XRCC4: variants seen among roughly 807,000 people sequenced by gnomAD.
XRCC4 encodes the protein DNA repair protein XRCC4.
A neutral mutation model predicts 39.1 loss-of-function variants in XRCC4; 28 were observed. The observed-to-expected ratio is 0.72, with a 90% CI of 0.53 to 0.98. The LOEUF is 0.98. Among genes scored for constraint, XRCC4 ranks in the 50% least tolerant of loss-of-function variants. The pLI is 0.00. For missense variants in XRCC4, 350 were observed against 376.4 expected, an observed-to-expected ratio of 0.93 and a Z score of 0.58; for synonymous variants, 123 against 126.4, an observed-to-expected ratio of 0.97 and a Z score of 0.18.
chr5:83,182,861 G>A (rs1361988133), intron 3 of XRCC4, among the ~76,000 whole-genome samples: 1 of 152,106 alleles, frequency 6.6e-6, no homozygotes, highest in East Asian at 1.9e-4. Flanking sequence ...GATGCCAAAT[G>A]TGCTAGCACC....
At chr5:83,207,739 G>A (rs1276972307) in intron 6 of XRCC4, among the ~76,000 whole-genome samples, 1 of 151,984 alleles carries the variant, frequency 6.6e-6, no homozygotes, top group African/African-American at 2.4e-5. Context: ...TTCTTCTACA[G>A]AGACAAAATA....
At chr5:83,368,257 A>G in the XRCC4 span, among the ~76,000 whole-genome samples, 1 of 152,166 alleles carries the variant, frequency 6.6e-6, no homozygotes. Flanking sequence ...TCCCTGAACT[A>G]CAGTTTCGTC....
chr5:83,109,549 A>G (rs548329233), intron 2 of XRCC4, among the ~76,000 whole-genome samples: 51 of 152,096 alleles, frequency 3.4e-4, no homozygotes, highest in African/African-American at 1.1e-3. Context: ...AAACCATCCA[A>G]CCACACACAC....
rs1217135996 is a variant in XRCC4 at position 83,094,367 on chromosome 5, C to A, written c.-10-10543C>A. Among the ~76,000 whole-genome samples, 939 of 125,382 alleles carry A rather than the reference C, an allele frequency of 7.5e-3. 11 individuals carry two copies. Among genetic ancestry groups the A allele is most frequent in the African/African-American group, 0.028 (879 of 31,818 alleles). The allele number at this position is 125,382 out of a possible 152,430, so 82.3% of individuals were successfully genotyped here. On this transcript the variant is annotated intron_variant, in intron 1 of 7. Coordinates refer to ENST00000396027, the MANE Select transcript of XRCC4 (RefSeq NM_003401.5). ...GCTCCCCTCTCTTCCCCTCCTTTCCCCTCCCCTCTCTTCCCCTCCTCTCCC... is the reference window on the plus strand; with the variant it reads ...GCTCCCCTCTCTTCCCCTCCTTTCCACTCCCCTCTCTTCCCCTCCTCTCCC...
At chr5:83,348,154 A>G (rs935764570) in intron 7 of XRCC4, among the ~76,000 whole-genome samples, 3 of 152,170 alleles carry the variant, frequency 2.0e-5, no homozygotes, top group African/African-American at 7.2e-5. Context: ...TTCCAGATGC[A>G]TGGCGCAAGC....
At chr5:83,170,505 T>C (rs1359333990) in intron 3 of XRCC4, among the ~76,000 whole-genome samples, 2 of 152,202 alleles carry the variant, frequency 1.3e-5, no homozygotes, top group African/African-American at 4.8e-5. Context: ...TGCATTTTCA[T>C]GTGGGGCTCC....
At position 83,309,297 on chromosome 5, in the gene XRCC4, ATAT is replaced by A. The variant is rs1332885341; in HGVS notation, c.894-43833_894-43831del. 1.8e-3 allele frequency among the ~76,000 whole-genome samples: 96 copies of A among 53,576 alleles called. 1 individual carries two copies. The highest frequency in any genetic ancestry group is 0.023 in the Middle Eastern group (1 of 44). 35.1% of individuals were successfully genotyped at this position (53,576 alleles called of 152,430 possible). On this transcript the variant is annotated intron_variant, in intron 7 of 7. Transcript: ENST00000396027. Reference sequence around the variant, plus strand: ...AAAAAAAAAAAAAAAAAAAAAAAAAATATATATATATATATATATATATAGGCT... The same window carrying A: ...AAAAAAAAAAAAAAAAAAAAAAAAAAATATATATATATATATATATAGGCT...
chr5:83,239,413 A>T (rs1435022037), intron 6 of XRCC4, among the ~76,000 whole-genome samples: 1 of 152,232 alleles, frequency 6.6e-6, no homozygotes, highest in Non-Finnish European at 1.5e-5. Context: ...TCCGTCTGTG[A>T]TTTACAGAGA....
intron 3 of XRCC4, among the ~76,000 whole-genome samples, chr5:83,160,257 A>G (rs557227165): frequency 6.6e-6 from 1 of 152,334 alleles, no homozygotes; most frequent in African/African-American, 2.4e-5. Context: ...ATATTAAATT[A>G]TTTGAGGGAA....
At chr5:83,211,639 G>T (rs956628417) in intron 6 of XRCC4, among the ~76,000 whole-genome samples, 1 of 152,118 alleles carries the variant, frequency 6.6e-6, no homozygotes. Flanking sequence ...CCCAACAAAA[G>T]AAAAGAAACC....
the XRCC4 span, among the ~76,000 whole-genome samples, chr5:83,372,535 G>A: frequency 6.6e-6 from 1 of 152,090 alleles, no homozygotes; most frequent in East Asian, 1.9e-4. Context: ...TATTGTGAGG[G>A]GTCTGTAAAT....
At chr5:83,209,893 A>G (rs999620119) in intron 6 of XRCC4, among the ~76,000 whole-genome samples, 1 of 152,138 alleles carries the variant, frequency 6.6e-6, no homozygotes, top group African/African-American at 2.4e-5. Flanking sequence ...ACTTTTCTAC[A>G]TAATTACTAG....
chr5:83,168,584 T>C (rs1191727358), intron 3 of XRCC4, among the ~76,000 whole-genome samples: 1 of 152,116 alleles, frequency 6.6e-6, no homozygotes, highest in Non-Finnish European at 1.5e-5. Context: ...ATTTTTTTCA[T>C]GCATACTAAA....
the XRCC4 span, among the ~76,000 whole-genome samples, chr5:83,367,351 A>T: frequency 6.6e-6 from 1 of 152,212 alleles, no homozygotes; most frequent in Non-Finnish European, 1.5e-5. Flanking sequence ...TGAGGCTGAA[A>T]ATAAAATCAC....
chr5:83,295,002 G>GT (rs1402095858), intron 7 of XRCC4, among the ~76,000 whole-genome samples: 1 of 151,966 alleles, frequency 6.6e-6, no homozygotes, highest in Non-Finnish European at 1.5e-5. Flanking sequence ...ATATCTCAAA[G>GT]TTTTTTATGT....
the XRCC4 span, among the ~76,000 whole-genome samples, chr5:83,362,294 CAAAAAA>C: frequency 2.0e-4 from 15 of 73,186 alleles, no homozygotes; most frequent in African/African-American, 2.7e-4. Context: ...GCTATTTAGG[CAAAAAA>C]AAAAAAAAAA....
intron 7 of XRCC4, among the ~76,000 whole-genome samples, chr5:83,291,874 A>C (rs551567448): frequency 6.6e-6 from 1 of 151,624 alleles, no homozygotes; most frequent in South Asian, 2.1e-4. Flanking sequence ...GTTCAGATGG[A>C]TGGATGGATG....
chr5:83,151,512 A>G (rs2112553993), intron 3 of XRCC4, among the ~76,000 whole-genome samples: 1 of 152,290 alleles, frequency 6.6e-6, no homozygotes, highest in South Asian at 2.1e-4. Flanking sequence ...ATCAGGCCTT[A>G]AAAGCTGACC....
chr5:83,218,945 A>G (rs1480328607), intron 6 of XRCC4, among the ~76,000 whole-genome samples: 1 of 136,386 alleles, frequency 7.3e-6, no homozygotes, highest in Non-Finnish European at 1.5e-5. Flanking sequence ...AACAAAGTAC[A>G]TAACTGAGTG....
Sources: gnomAD v4.1 joint callset for allele counts (sites outside exome capture counted in the v4.1 genomes callset) on GRCh38, gnomAD v4.1.1 for gene constraint, MANE v1.5 for transcripts, NCBI Gene and HGNC (gene_info 2026-07-23, HGNC 2026-07-21) for gene names.